The following SGCD variants were observed in gnomAD, a reference collection of about 807,000 sequenced individuals.
SGCD encodes the protein delta-sarcoglycan.
SGCD carries 18 observed loss-of-function variants against 36.6 expected under a neutral mutation model. The ratio of observed to expected loss-of-function variants is 0.49; its 90% CI spans 0.34 to 0.73. The LOEUF (loss-of-function observed/expected upper bound fraction) is 0.73, where lower values mean the gene tolerates loss of function less well. Ranked by LOEUF, SGCD falls within the 30% of genes least tolerant of loss-of-function variation. The probability of loss-of-function intolerance (pLI) is 0.01; values close to 1 mark genes in which losing one functional copy is unlikely to be tolerated. For missense variants in SGCD, 387 were observed against 346.7 expected (o/e 1.12, Z -0.92); for synonymous variants, 133 against 130.6 (o/e 1.02, Z -0.12).
At chr5:156,758,171 A>G (rs1006022073) in intron 8 of SGCD, 16 of 174,642 alleles carry the variant, frequency 9.2e-5, no homozygotes, top group Non-Finnish European at 1.6e-4. Context: ...ATAGGGTAAG[A>G]CTAGGCAGCA....
intron 3 of SGCD, among the ~76,000 whole-genome samples, chr5:156,463,684 G>C (rs1754596287): frequency 6.6e-6 from 1 of 152,224 alleles, no homozygotes; most frequent in East Asian, 1.9e-4. Context: ...CTTCACTCCA[G>C]ATGGGTGTGA....
intron 1 of SGCD, among the ~76,000 whole-genome samples, chr5:156,072,351 G>C (rs907499126): frequency 2.0e-5 from 3 of 151,970 alleles, no homozygotes; most frequent in Non-Finnish European, 2.9e-5. Context: ...CTCAGCATTT[G>C]CTTGTCTGTA....
At chr5:156,469,517 T>C (rs1754865353) in intron 3 of SGCD, among the ~76,000 whole-genome samples, 1 of 152,246 alleles carries the variant, frequency 6.6e-6, no homozygotes, top group Non-Finnish European at 1.5e-5. Flanking sequence ...AAGGAGTGAA[T>C]ATTAGTATTT....
At chr5:155,922,739 TG>T (rs1213424363) in intron 1 of SGCD, among the ~76,000 whole-genome samples, 4 of 152,276 alleles carry the variant, frequency 2.6e-5, no homozygotes, top group African/African-American at 9.6e-5. Flanking sequence ...CACTAGTGCA[TG>T]TATTTTGGTG....
intron 1 of SGCD, among the ~76,000 whole-genome samples, chr5:156,004,425 A>G (rs1758718951): frequency 6.6e-6 from 1 of 152,166 alleles, no homozygotes; most frequent in African/African-American, 2.4e-5. Context: ...TGTTCCTAGC[A>G]TTATGTGAGG....
At position 156,069,962 on chromosome 5, in the gene SGCD, A is replaced by G. The variant is rs191724609; in HGVS notation, c.-281-47916A>G. Among the ~76,000 whole-genome samples, 720 of 152,004 alleles carry G rather than the reference A, an allele frequency of 4.7e-3. 4 individuals carry two copies. Among genetic ancestry groups the G allele is most frequent in the Non-Finnish European group, 8.0e-3 (547 of 68,006 alleles). On this transcript the variant is annotated intron_variant, in intron 1 of 9. Transcript: ENST00000517913. Reference sequence around the variant, plus strand: ...TTATTGGTGTATAAGACTGCTTGTGATTTTTGTACATTGATTTTGTATCCT... The same window carrying G: ...TTATTGGTGTATAAGACTGCTTGTGGTTTTTGTACATTGATTTTGTATCCT...
At chr5:155,993,141 G>C (rs905225438) in intron 1 of SGCD, among the ~76,000 whole-genome samples, 2 of 151,900 alleles carry the variant, frequency 1.3e-5, no homozygotes, top group African/African-American at 4.8e-5. Context: ...CACAATAAAG[G>C]CTCTTGCTCC....
At chr5:155,823,326 T>TC in the SGCD span, among the ~76,000 whole-genome samples, 46 of 138,954 alleles carry the variant, frequency 3.3e-4, no homozygotes, top group African/African-American at 1.1e-3. Flanking sequence ...AAAAAAAAGG[T>TC]CGGGGGGTGG....
At chr5:156,408,030 T>C (rs892126720) in intron 3 of SGCD, among the ~76,000 whole-genome samples, 1 of 152,220 alleles carries the variant, frequency 6.6e-6, no homozygotes, top group Non-Finnish European at 1.5e-5. Context: ...AAAGATGGTA[T>C]TATAAAGAAG....
chr5:155,755,778 A>G, the SGCD span, among the ~76,000 whole-genome samples: 1 of 152,188 alleles, frequency 6.6e-6, no homozygotes, highest in Non-Finnish European at 1.5e-5. Context: ...TCCTTCTCCA[A>G]ACTGAATTAC....
At position 156,058,723 on chromosome 5, in the gene SGCD, C is replaced by T. The variant is rs1235370046; in HGVS notation, c.-281-59155C>T. 2.1e-5 allele frequency among the ~76,000 whole-genome samples: 3 copies of T among 146,128 alleles called. 1 individual carries two copies. Among genetic ancestry groups the T allele is most frequent in the Non-Finnish European group, 4.6e-5 (3 of 64,926 alleles). Reference sequence around the variant, plus strand: ...GTTTGTAGATGAAATAATGGTATTACATTATGATTAATGAAAAGTATATTT... The same window carrying T: ...GTTTGTAGATGAAATAATGGTATTATATTATGATTAATGAAAAGTATATTT... On this transcript the variant is annotated intron_variant, in intron 1 of 9. Transcript: ENST00000517913.
chr5:156,256,592 C>T (rs530921815), intron 3 of SGCD, among the ~76,000 whole-genome samples: 2 of 152,052 alleles, frequency 1.3e-5, no homozygotes, highest in South Asian at 2.1e-4. Flanking sequence ...GTTCATTTCC[C>T]GTTCTTAGTA....
chr5:155,804,514 C>T, the SGCD span, among the ~76,000 whole-genome samples: 7 of 152,172 alleles, frequency 4.6e-5, no homozygotes, highest in Non-Finnish European at 8.8e-5. Context: ...CCACTGTGTG[C>T]CTTTCTTGCT....
At chr5:156,758,385 G>A (rs1032441454) in intron 8 of SGCD, among the ~76,000 whole-genome samples, 1 of 110,936 alleles carries the variant, frequency 9.0e-6, no homozygotes, top group African/African-American at 4.4e-5. Flanking sequence ...TAAAAAATCT[G>A]TGTGTTTTTT....
At chr5:155,761,743 C>A in the SGCD span, among the ~76,000 whole-genome samples, 1 of 150,744 alleles carries the variant, frequency 6.6e-6, no homozygotes, top group African/African-American at 2.4e-5. Flanking sequence ...CCCTTTCCAT[C>A]ACCTTCATCA....
intron 3 of SGCD, among the ~76,000 whole-genome samples, chr5:156,226,569 CT>C (rs1764865210): frequency 2.6e-5 from 4 of 152,114 alleles, no homozygotes; most frequent in Admixed American, 2.6e-4. Context: ...TTCATTTCCT[CT>C]GGGTAGATAC....
At chr5:156,234,092 G>A (rs1765093411) in intron 3 of SGCD, among the ~76,000 whole-genome samples, 1 of 152,130 alleles carries the variant, frequency 6.6e-6, no homozygotes, top group Non-Finnish European at 1.5e-5. Flanking sequence ...TATTCTAATA[G>A]GTGTTCGTTG....
the SGCD span, among the ~76,000 whole-genome samples, chr5:155,738,874 T>C: frequency 6.7e-6 from 1 of 148,334 alleles, no homozygotes. Flanking sequence ...TGAGTGCGTG[T>C]GAGAGAGAGT....
At chr5:156,052,102 G>T (rs1289773903) in intron 1 of SGCD, among the ~76,000 whole-genome samples, 1 of 146,312 alleles carries the variant, frequency 6.8e-6, no homozygotes, top group Non-Finnish European at 1.5e-5. Context: ...TAAGTCCAGA[G>T]TTCCTGCTAG....
Sources: allele counts gnomAD v4.1 joint callset (sites outside exome capture counted in the v4.1 genomes callset), GRCh38; gene constraint gnomAD v4.1.1; transcripts MANE v1.5; gene names NCBI Gene and HGNC (gene_info 2026-07-23, HGNC 2026-07-21).